Variants in RARB observed in about 807,000 individuals in gnomAD.
RARB encodes retinoic acid receptor beta, also known as HBV-activated protein.
Under a neutral mutation model 51.9 loss-of-function variants are expected in RARB, and 17 were observed. That is an observed-to-expected ratio of 0.33 (90% CI 0.22 to 0.49). The LOEUF is 0.49. Ranked by LOEUF, RARB falls within the 20% of genes least tolerant of loss-of-function variation. RARB has a pLI of 0.99. For missense variants in RARB, 369 were observed against 550.8 expected (o/e 0.67, Z 3.30); for synonymous variants, 215 against 195.4 (o/e 1.10, Z -0.84).
At chr3:25,325,221 T>C (rs1461174611) in intron 5 of RARB, among the ~76,000 whole-genome samples, 1 of 152,144 alleles carries the variant, frequency 6.6e-6, no homozygotes, top group African/African-American at 2.4e-5. Flanking sequence ...CATTTGTAAA[T>C]TATCAGGGTG....
intron 5 of RARB, among the ~76,000 whole-genome samples, chr3:25,183,456 T>C (rs970150098): frequency 6.6e-6 from 1 of 152,164 alleles, no homozygotes; most frequent in African/African-American, 2.4e-5. Flanking sequence ...CTCTTTAATA[T>C]TCATTTTATT....
intron 2 of RARB, among the ~76,000 whole-genome samples, chr3:25,500,542 C>T (rs1429275148): frequency 7.0e-6 from 1 of 141,878 alleles, no homozygotes; most frequent in Non-Finnish European, 1.5e-5. Context: ...TGCGGTGGCA[C>T]AATCTCAGCT....
chr3:25,219,492 G>C (rs1316112553), intron 5 of RARB, among the ~76,000 whole-genome samples: 1 of 152,102 alleles, frequency 6.6e-6, no homozygotes, highest in Non-Finnish European at 1.5e-5. Context: ...TCAACAATTT[G>C]CTTTATAAAA....
intron 3 of RARB, among the ~76,000 whole-genome samples, chr3:25,531,145 G>A (rs914319327): frequency 6.6e-6 from 1 of 152,130 alleles, no homozygotes; most frequent in Non-Finnish European, 1.5e-5. Context: ...ACTATGAGAA[G>A]CAATGAAAAA....
intron 5 of RARB, among the ~76,000 whole-genome samples, chr3:25,314,174 G>A (rs1477999148): frequency 6.6e-6 from 1 of 151,772 alleles, no homozygotes; most frequent in East Asian, 1.9e-4. Context: ...AAAAGAAAAA[G>A]CTGGAAAAAT....
intron 5 of RARB, among the ~76,000 whole-genome samples, chr3:25,220,865 GTGGAGA>G (rs1701932648): frequency 6.6e-6 from 1 of 152,210 alleles, no homozygotes; most frequent in Admixed American, 6.5e-5. Context: ...CATCTTTTAA[GTGGAGA>G]TGGTCTTTCA....
chr3:25,539,523 T>A (rs952147867), intron 3 of RARB, among the ~76,000 whole-genome samples: 78 of 129,046 alleles, frequency 6.0e-4, no homozygotes, highest in African/African-American at 2.6e-3. Context: ...GGCCACACTC[T>A]CTCTCTCTCT....
At chr3:25,389,215 C>T (rs1408314767) in intron 5 of RARB, among the ~76,000 whole-genome samples, 1 of 152,136 alleles carries the variant, frequency 6.6e-6, no homozygotes, top group Non-Finnish European at 1.5e-5. Context: ...TTGGGTGACA[C>T]ATCAGGTCAC....
At chr3:25,396,246 G>A (rs114319530) in intron 5 of RARB, among the ~76,000 whole-genome samples, 11,002 of 152,300 alleles carry the variant, frequency 0.072, 456 homozygotes, top group African/African-American at 0.12. Flanking sequence ...ATACCAGCAC[G>A]TGCTCTGGTG....
At chr3:25,128,809 A>T (rs141590064) in intron 3 of RARB, among the ~76,000 whole-genome samples, 18 of 152,232 alleles carry the variant, frequency 1.2e-4, no homozygotes, top group Non-Finnish European at 1.6e-4. Context: ...GAACTCGAGG[A>T]AATTTTAAGG....
intron 2 of RARB, among the ~76,000 whole-genome samples, chr3:24,925,672 AAG>A (rs1045652417): frequency 1.3e-5 from 2 of 150,846 alleles, no homozygotes; most frequent in African/African-American, 4.9e-5. Flanking sequence ...AAAAAAAAAA[AAG>A]CTTATATTCA....
At chr3:25,459,150 T>A (rs1695048685) in intron 1 of RARB, among the ~76,000 whole-genome samples, 1 of 152,184 alleles carries the variant, frequency 6.6e-6, no homozygotes, top group Non-Finnish European at 1.5e-5. Context: ...AATAAAATAG[T>A]GAGACAGAGT....
At chr3:25,209,620 C>T (rs910300026) in intron 5 of RARB, among the ~76,000 whole-genome samples, 1 of 152,196 alleles carries the variant, frequency 6.6e-6, no homozygotes, top group Non-Finnish European at 1.5e-5. Context: ...CTTAGCTGGA[C>T]CTCTGCTTCT....
intron 1 of RARB, among the ~76,000 whole-genome samples, chr3:25,460,818 G>A (rs1469744821): frequency 1.3e-5 from 2 of 152,198 alleles, no homozygotes; most frequent in Non-Finnish European, 2.9e-5. Flanking sequence ...ACTGGGGTTT[G>A]TAGTATGACT....
Position 25,428,489 on chromosome 3 carries a change from A to AC in RARB, c.-237dup, listed in dbSNP as rs1164214169. On this transcript the variant is annotated 5_prime_UTR_variant, in exon 1 of 8. Transcript: ENST00000330688. ...AGGAGAACTTGGGATCTTTCTGGGA[A>AC]CCCCCCGCCCCGGCTGGATTGGCCG... The AC allele has an allele frequency of 1.4e-4, 174 of 1,266,514 alleles. 1 individual carries two copies. The highest frequency in any genetic ancestry group is 1.9e-4 in the Admixed American group (5 of 26,158). 78.5% of individuals were successfully genotyped at this position (1,266,514 alleles called of 1,614,324 possible). A position where few individuals can be genotyped will look rare whatever the true frequency, so the allele number is the denominator to read the frequency against.
chr3:24,945,275 A>G (rs1247806424), intron 2 of RARB, among the ~76,000 whole-genome samples: 1 of 152,222 alleles, frequency 6.6e-6, no homozygotes, highest in Middle Eastern at 3.2e-3. Context: ...GGAGAGAGCC[A>G]TAATCTTTTT....
At chr3:25,393,716 C>A (rs1433495623) in intron 5 of RARB, among the ~76,000 whole-genome samples, 3 of 151,940 alleles carry the variant, frequency 2.0e-5, no homozygotes, top group African/African-American at 7.2e-5. Context: ...TTCATAGTAG[C>A]CTTGAATGAT....
intron 2 of RARB, among the ~76,000 whole-genome samples, chr3:24,883,933 C>T (rs2125358787): frequency 6.6e-6 from 1 of 152,192 alleles, no homozygotes; most frequent in East Asian, 1.9e-4. Flanking sequence ...ATTTAATTTT[C>T]ATTATTCTTA....
chr3:25,555,989 G>A (rs77682964), intron 3 of RARB, among the ~76,000 whole-genome samples: 7,649 of 147,438 alleles, frequency 0.052, 245 homozygotes, highest in Non-Finnish European at 0.076. Flanking sequence ...TTTGTATGTT[G>A]TTTCTTGGAC....
Sources: gnomAD v4.1 joint callset for allele counts (sites outside exome capture counted in the v4.1 genomes callset) on GRCh38, gnomAD v4.1.1 for gene constraint, MANE v1.5 for transcripts, NCBI Gene and HGNC (gene_info 2026-07-23, HGNC 2026-07-21) for gene names.